Variants in CSMD1 observed in about 807,000 individuals in gnomAD.
CSMD1 encodes CUB and Sushi multiple domains 1, also known as CUB and sushi domain-containing protein 1.
A neutral mutation model predicts 417.5 loss-of-function variants in CSMD1; 213 were observed. The observed-to-expected ratio is 0.51, with a 90% CI of 0.46 to 0.57. The LOEUF (loss-of-function observed/expected upper bound fraction) is 0.57. Ranked by LOEUF, CSMD1 falls within the 20% of genes least tolerant of loss-of-function variation. The probability of loss-of-function intolerance (pLI) is 0.00; values close to 1 mark genes in which losing one functional copy is unlikely to be tolerated. For missense variants in CSMD1, 6,923 were observed against 4,529.7 expected, an observed-to-expected ratio of 1.53 and a Z score of -15.17; for synonymous variants, 2,862 against 1,736.8, an observed-to-expected ratio of 1.65 and a Z score of -16.11.
intron 3 of CSMD1, among the ~76,000 whole-genome samples, chr8:4,312,069 C>T (rs62480580): frequency 0.54 from 82,341 of 151,922 alleles, 25,339 homozygotes; most frequent in Admixed American, 0.73. Flanking sequence ...TAAAGAAATA[C>T]GTAGAATGTG....
intron 1 of CSMD1, among the ~76,000 whole-genome samples, chr8:4,948,396 T>G (rs549536535): frequency 6.6e-6 from 1 of 152,148 alleles, no homozygotes; most frequent in East Asian, 1.9e-4. Context: ...TACTAGTTAC[T>G]TGCCAGTCAT....
intron 2 of CSMD1, among the ~76,000 whole-genome samples, chr8:4,507,995 C>A (rs1360460947): frequency 2.7e-5 from 4 of 147,268 alleles, no homozygotes; most frequent in Non-Finnish European, 6.0e-5. Flanking sequence ...CGAACACAGA[C>A]AAAACTGAAC....
chr8:3,377,281 G>T (rs906335336), intron 18 of CSMD1, among the ~76,000 whole-genome samples: 1 of 152,140 alleles, frequency 6.6e-6, no homozygotes, highest in South Asian at 2.1e-4. Flanking sequence ...CAATGTGCTA[G>T]GATTACAGGC....
At position 4,810,016 on chromosome 8, in the gene CSMD1, G is replaced by A. The variant is rs1011672601; in HGVS notation, c.86-172458C>T. ...AATATCAAGTGAATATATGCCAAGT[G>A]CTTAGAATGAGGGTTAGCTCAATAT... On this transcript the variant is annotated intron_variant, in intron 1 of 69. Transcript: ENST00000635120. Among the ~76,000 whole-genome samples the A allele has an allele frequency of 7.2e-5, 11 of 152,158 alleles. No homozygotes were observed. In the East Asian group the frequency reaches 2.1e-3, roughly 29 times the overall value.
intron 1 of CSMD1, among the ~76,000 whole-genome samples, chr8:4,943,541 AATC>A (rs1808167141): frequency 2.7e-5 from 4 of 145,512 alleles, no homozygotes; most frequent in Admixed American, 2.7e-4. Context: ...AATAAAATAA[AATC>A]ATCACCTCTC....
At chr8:3,980,874 G>A (rs115033692) in intron 5 of CSMD1, among the ~76,000 whole-genome samples, 2,151 of 152,250 alleles carry the variant, frequency 0.014, 45 homozygotes, top group African/African-American at 0.046. Context: ...TGGGAATGAA[G>A]GTGGAGACTG....
intron 10 of CSMD1, among the ~76,000 whole-genome samples, chr8:3,557,924 T>C (rs997347495): frequency 2.6e-5 from 4 of 152,174 alleles, no homozygotes; most frequent in African/African-American, 4.8e-5. Flanking sequence ...CCTAAATAAA[T>C]AGTTTGTTGG....
chr8:4,195,551 G>A (rs777430856), intron 3 of CSMD1, among the ~76,000 whole-genome samples: 2 of 152,138 alleles, frequency 1.3e-5, no homozygotes, highest in African/African-American at 2.4e-5. Context: ...TGTGATGTGC[G>A]TCTGACCAAT....
chr8:4,041,024 T>TCC (rs936850040), intron 3 of CSMD1, among the ~76,000 whole-genome samples: 29 of 143,778 alleles, frequency 2.0e-4, no homozygotes, highest in African/African-American at 7.2e-4. Flanking sequence ...TTCCTTTTTT[T>TCC]TTTTTTTTTT....
intron 6 of CSMD1, among the ~76,000 whole-genome samples, chr8:3,733,826 T>G (rs889171960): frequency 9.9e-5 from 15 of 152,180 alleles, no homozygotes; most frequent in African/African-American, 3.1e-4. Context: ...TACTTTATTA[T>G]TAGTTATTGT....
intron 3 of CSMD1, among the ~76,000 whole-genome samples, chr8:4,278,077 A>G (rs1016286636): frequency 1.3e-5 from 2 of 152,164 alleles, no homozygotes; most frequent in African/African-American, 4.8e-5. Context: ...ACAATAATTA[A>G]AATGCTACAT....
chr8:3,294,951 T>A (rs1023062535), intron 25 of CSMD1, among the ~76,000 whole-genome samples: 1 of 152,136 alleles, frequency 6.6e-6, no homozygotes, highest in Non-Finnish European at 1.5e-5. Flanking sequence ...TGTTCCTATT[T>A]GGCCATCTTG....
intron 2 of CSMD1, among the ~76,000 whole-genome samples, chr8:4,634,389 AT>A (rs755148588): frequency 8.5e-5 from 13 of 152,184 alleles, no homozygotes; most frequent in African/African-American, 2.7e-4. Context: ...TCGAAAAAAA[AT>A]ATTACAGTGG....
At position 3,516,705 on chromosome 8, in the gene CSMD1, T is replaced by C. The variant is rs572735964; in HGVS notation, c.1345-22979A>G. ...TATTTGGTTACATGAGAAAGTTCTT[T>C]GGTGGAGATTTGTGATATTTTGGGG... is the stretch of plus-strand genomic sequence containing the variant. On this transcript the variant is annotated intron_variant, in intron 10 of 69. Coordinates refer to ENST00000635120, the MANE Select transcript of CSMD1 (RefSeq NM_033225.6). Among the ~76,000 whole-genome samples, 19 of 152,288 alleles carry C rather than the reference T, an allele frequency of 1.2e-4. No individual in the cohort carries two copies. In the East Asian group the frequency reaches 3.7e-3, roughly 29 times the overall value.
At chr8:3,821,195 G>A (rs1248935724) in intron 5 of CSMD1, among the ~76,000 whole-genome samples, 2 of 152,108 alleles carry the variant, frequency 1.3e-5, no homozygotes, top group African/African-American at 2.4e-5. Context: ...GGGGATTACA[G>A]GTGTGAACCA....
At chr8:4,106,804 G>A (rs572837711) in intron 3 of CSMD1, among the ~76,000 whole-genome samples, 1 of 152,188 alleles carries the variant, frequency 6.6e-6, no homozygotes, top group East Asian at 1.9e-4. Flanking sequence ...GTCTGGGAGA[G>A]CTCAGGTCTA....
At chr8:3,858,812 C>T (rs1051702612) in intron 5 of CSMD1, among the ~76,000 whole-genome samples, 2 of 151,996 alleles carry the variant, frequency 1.3e-5, no homozygotes, top group African/African-American at 4.8e-5. Context: ...CTAATGTTAT[C>T]GGGAAATAAC....
At chr8:4,413,259 T>C (rs1341936357) in intron 3 of CSMD1, among the ~76,000 whole-genome samples, 1 of 152,204 alleles carries the variant, frequency 6.6e-6, no homozygotes, top group East Asian at 1.9e-4. Flanking sequence ...AAGCTTTCCT[T>C]TCCTTGAGGC....
rs143495868 is a variant in CSMD1, at chr8:3,297,951, A to G, written c.3950+9744T>C. Among the ~76,000 whole-genome samples the G allele has an allele frequency of 4.1e-3, 628 of 152,330 alleles. 2 individuals carry two copies. Among genetic ancestry groups the G allele is most frequent in the African/African-American group, 5.2e-3 (218 of 41,572 alleles). The stretch of plus-strand genomic sequence containing the variant: ...AATGGGCAAAAGGCTTCAACTGGCA[A>G]TTAGTAAAAGAGGATATTCAAAAGG... On this transcript the variant is annotated intron_variant, in intron 25 of 69. Coordinates refer to ENST00000635120, the MANE Select transcript of CSMD1 (RefSeq NM_033225.6).
Sources: allele counts gnomAD v4.1 joint callset (sites outside exome capture counted in the v4.1 genomes callset), GRCh38; gene constraint gnomAD v4.1.1; transcripts MANE v1.5; gene names NCBI Gene and HGNC (gene_info 2026-07-23, HGNC 2026-07-21).